SMAD2: variants seen among roughly 807,000 people sequenced by gnomAD.
SMAD2 encodes SMAD family member 2.
SMAD2 carries 8 observed loss-of-function variants against 64.4 expected under a neutral mutation model. That is an observed-to-expected ratio of 0.12 (90% CI 0.07 to 0.22). The LOEUF (loss-of-function observed/expected upper bound fraction) is 0.22. SMAD2 is among the 10% of genes least tolerant of loss of function. The pLI, the probability that SMAD2 is intolerant of heterozygous loss-of-function variation, is 1.00. For missense variants in SMAD2, 289 were observed against 561.2 expected, an observed-to-expected ratio of 0.51 and a Z score of 4.90; for synonymous variants, 203 against 195.8, an observed-to-expected ratio of 1.04 and a Z score of -0.31.
At chr18:47,893,770 G>A (rs946676153) in intron 2 of SMAD2, among the ~76,000 whole-genome samples, 2 of 151,956 alleles carry the variant, frequency 1.3e-5, no homozygotes, top group Admixed American at 1.3e-4. Flanking sequence ...TAAAATATAT[G>A]GCACTAAGCT....
chr18:47,833,786 T>C lies in SMAD2; in HGVS notation c.*8041A>G, dbSNP rs1913145858. 4.3e-6 allele frequency: 1 copy of C among 230,974 alleles called. No individual in the cohort carries two copies. Among genetic ancestry groups the C allele is most frequent in the Non-Finnish European group, 8.6e-6 (1 of 116,534 alleles). The allele number at this position is 230,974 out of a possible 1,614,324, so 14.3% of individuals were successfully genotyped here. A position where few individuals can be genotyped will look rare whatever the true frequency, so the allele number is the denominator to read the frequency against. ...TTCTGGCTTCTCGAGCAGAACAGACTGGGAAATGCAGTAGACGCCAGAGCA... is the reference window on the plus strand; with the variant it reads ...TTCTGGCTTCTCGAGCAGAACAGACCGGGAAATGCAGTAGACGCCAGAGCA... On this transcript the variant is annotated 3_prime_UTR_variant, in exon 11 of 11. Coordinates refer to ENST00000262160, the MANE Select transcript of SMAD2 (RefSeq NM_005901.6).
chr18:47,848,352 A>G, intron 8 of SMAD2, 123 bp downstream of exon 8: 1 of 751,950 alleles, frequency 1.3e-6, no homozygotes, highest in Non-Finnish European at 2.4e-6. Context: ...ATGTGTCGGC[A>G]CTTAAACCAC....
chr18:47,893,033 C>A (rs1368943475), intron 2 of SMAD2, among the ~76,000 whole-genome samples: 1 of 152,134 alleles, frequency 6.6e-6, no homozygotes, highest in Non-Finnish European at 1.5e-5. Flanking sequence ...ATGTCTGATT[C>A]TTTATCTAAA....
Position 47,826,623 on chromosome 18 carries a change from T to A in SMAD2, c.*15204A>T, listed in dbSNP as rs1568015884. Reference sequence around the variant, plus strand: ...AAAGACTACAACTGCTCCAGAGACATCTAGCCGAAATCACTTATCTAATTC... The same window carrying A: ...AAAGACTACAACTGCTCCAGAGACAACTAGCCGAAATCACTTATCTAATTC... On this transcript the variant is annotated 3_prime_UTR_variant, in exon 11 of 11. Transcript: ENST00000262160. 2 of 152,232 alleles carry A rather than the reference T, an allele frequency of 1.3e-5. No individual in the cohort carries two copies. The highest frequency in any genetic ancestry group is 2.4e-5 in the African/African-American group (1 of 41,458). The allele number at this position is 152,232 out of a possible 1,614,324, so 9.4% of individuals were successfully genotyped here.
At chr18:47,906,240 A>C (rs1031410969) in intron 1 of SMAD2, among the ~76,000 whole-genome samples, 1 of 152,204 alleles carries the variant, frequency 6.6e-6, no homozygotes, top group African/African-American at 2.4e-5. Context: ...ACACCCCCAA[A>C]AAAACGGTCA....
At position 47,813,294 on chromosome 18, in the gene SMAD2, A is replaced by C. The variant is rs1240179360; in HGVS notation, c.*28533T>G. Reference sequence around the variant, plus strand: ...CACTTTGTCATCCAGGCTAGAGTGCAGTAGCACAAACATGGCTCATGAAGC... The same window carrying C: ...CACTTTGTCATCCAGGCTAGAGTGCCGTAGCACAAACATGGCTCATGAAGC... On this transcript the variant is annotated 3_prime_UTR_variant, in exon 11 of 11. Coordinates refer to ENST00000262160, the MANE Select transcript of SMAD2 (RefSeq NM_005901.6). The C allele has an allele frequency of 1.3e-5, 2 of 152,174 alleles. No homozygotes were observed. The highest frequency in any genetic ancestry group is 2.9e-5 in the Non-Finnish European group (2 of 68,058). The allele number at this position is 152,174 out of a possible 1,614,324, so 9.4% of individuals were successfully genotyped here. A position where few individuals can be genotyped will look rare whatever the true frequency, so the allele number is the denominator to read the frequency against.
rs74172082 is a variant in SMAD2, at chr18:47,909,068, T to TA, written c.-53-12260dup. On this transcript the variant is annotated intron_variant, in intron 1 of 10. Coordinates refer to ENST00000262160, the MANE Select transcript of SMAD2 (RefSeq NM_005901.6). ...ATGAATCCAGTGTAAGAACTACAGC[T>TA]AAAAAAAAAAAAAAAAGAAAATTTG... 9.4e-3 allele frequency among the ~76,000 whole-genome samples: 1,281 copies of TA among 136,958 alleles called. 13 individuals are homozygous for TA. The highest frequency in any genetic ancestry group is 0.031 in the African/African-American group (1,115 of 36,296). 89.8% of individuals were successfully genotyped at this position (136,958 alleles called of 152,430 possible).
At chr18:47,872,692 G>T (rs1017027752) in intron 2 of SMAD2, among the ~76,000 whole-genome samples, 1 of 152,082 alleles carries the variant, frequency 6.6e-6, no homozygotes, top group African/African-American at 2.4e-5. Context: ...ACCCTATTGT[G>T]AACTGCACAT....
Position 47,831,952 on chromosome 18 carries a change from G to C in SMAD2, c.*9875C>G, listed in dbSNP as rs76235015. 1.1e-4 allele frequency: 16 copies of C among 152,206 alleles called. No homozygotes were observed. The East Asian group carries it at 3.1e-3, about 29-fold the overall frequency. The allele number at this position is 152,206 out of a possible 1,614,324, so 9.4% of individuals were successfully genotyped here. A position where few individuals can be genotyped will look rare whatever the true frequency, so the allele number is the denominator to read the frequency against. ...ATGAGAAGGGTGAATCTGTCAAAGG[G>C]TAAGCTGGATAACTGTATGTTGCAA... On this transcript the variant is annotated 3_prime_UTR_variant, in exon 11 of 11. Coordinates refer to ENST00000262160, the MANE Select transcript of SMAD2 (RefSeq NM_005901.6).
At chr18:47,854,065 A>G (rs1374446238) in intron 6 of SMAD2, among the ~76,000 whole-genome samples, 1 of 150,000 alleles carries the variant, frequency 6.7e-6, no homozygotes, top group African/African-American at 2.5e-5. Context: ...ACTTAAAATA[A>G]GCTAACAATT....
chr18:47,901,689 A>T (rs2033691570), intron 1 of SMAD2, among the ~76,000 whole-genome samples: 1 of 152,132 alleles, frequency 6.6e-6, no homozygotes, highest in Non-Finnish European at 1.5e-5. Flanking sequence ...ATCATAGAAC[A>T]CTGCTGAGTA....
chr18:47,861,724 T>G (rs1018944242), intron 6 of SMAD2, among the ~76,000 whole-genome samples: 4 of 152,204 alleles, frequency 2.6e-5, no homozygotes, highest in African/African-American at 9.6e-5. Flanking sequence ...ACCACAAAAA[T>G]CAAGTGCTTC....
intron 1 of SMAD2, among the ~76,000 whole-genome samples, chr18:47,922,101 A>G (rs915377672): frequency 5.9e-5 from 9 of 152,268 alleles, no homozygotes; most frequent in African/African-American, 2.2e-4. Flanking sequence ...GATTAAATGT[A>G]GAAAGCAAAA....
intron 6 of SMAD2, among the ~76,000 whole-genome samples, chr18:47,858,540 A>C (rs1318039939): frequency 6.6e-6 from 1 of 152,198 alleles, no homozygotes; most frequent in East Asian, 1.9e-4. Context: ...TTAAAAATCA[A>C]CTTGATATCA....
At chr18:47,864,077 A>G (rs976725987) in intron 6 of SMAD2, among the ~76,000 whole-genome samples, 1 of 152,198 alleles carries the variant, frequency 6.6e-6, no homozygotes, top group Non-Finnish European at 1.5e-5. Context: ...AAAAAAGAAT[A>G]TTATTGCTTC....
In SMAD2 at chr18:47,810,395, T is replaced by G. The variant is rs1272684359; in HGVS notation, c.*31432A>C. 1 of 152,132 alleles carries G rather than the reference T, an allele frequency of 6.6e-6. No homozygotes were observed. Among genetic ancestry groups the G allele is most frequent in the Non-Finnish European group, 1.5e-5 (1 of 68,072 alleles). 9.4% of individuals were successfully genotyped at this position (152,132 alleles called of 1,614,324 possible). A position where few individuals can be genotyped will look rare whatever the true frequency, so the allele number is the denominator to read the frequency against. On this transcript the variant is annotated 3_prime_UTR_variant, in exon 11 of 11. Transcript: ENST00000262160. ...CTCTGCTCAGGTTATGCTGTCAAAG[T>G]CAAATGCTATCCACCCTCCCTGCCC... is the stretch of plus-strand genomic sequence containing the variant.
In SMAD2 at chr18:47,825,997, G is replaced by A. The variant is rs748184239; in HGVS notation, c.*15830C>T. 3 of 152,222 alleles carry A rather than the reference G, an allele frequency of 2.0e-5. No homozygotes were observed. Among genetic ancestry groups the A allele is most frequent in the Non-Finnish European group, 4.4e-5 (3 of 68,046 alleles). 9.4% of individuals were successfully genotyped at this position (152,222 alleles called of 1,614,324 possible). A position where few individuals can be genotyped will look rare whatever the true frequency, so the allele number is the denominator to read the frequency against. On this transcript the variant is annotated 3_prime_UTR_variant, in exon 11 of 11. Coordinates refer to ENST00000262160, the MANE Select transcript of SMAD2 (RefSeq NM_005901.6). ...TAAGAGAAAACGGTTTCCCTGAATT[G>A]AGTGATTCTTTCTACTTTCTAGTGC... is the stretch of plus-strand genomic sequence containing the variant.
intron 1 of SMAD2, among the ~76,000 whole-genome samples, chr18:47,913,218 G>A (rs932025754): frequency 6.6e-6 from 1 of 152,198 alleles, no homozygotes; most frequent in Non-Finnish European, 1.5e-5. Context: ...ACAGCGCCCA[G>A]CCTGTTACAC....
intron 1 of SMAD2, among the ~76,000 whole-genome samples, chr18:47,918,138 T>C (rs1219227043): frequency 2.0e-5 from 3 of 152,358 alleles, no homozygotes; most frequent in South Asian, 2.1e-4. Flanking sequence ...ATTCAGTTCT[T>C]AGATTTCCGC....
Sources: allele counts gnomAD v4.1 joint callset (sites outside exome capture counted in the v4.1 genomes callset), GRCh38; gene constraint gnomAD v4.1.1; transcripts MANE v1.5; gene names NCBI Gene and HGNC (gene_info 2026-07-23, HGNC 2026-07-21).